HPN: variants seen among roughly 807,000 people sequenced by gnomAD.
HPN encodes the protein serine protease hepsin.
Under a neutral mutation model 55.9 loss-of-function variants are expected in HPN, and 13 were observed. That is an observed-to-expected ratio of 0.23 (90% confidence interval 0.15 to 0.37). The LOEUF is 0.37. Ranked by LOEUF, HPN falls within the 10% of genes least tolerant of loss-of-function variation. HPN has a pLI of 1.00. For missense variants in HPN, 451 were observed against 575.8 expected (o/e 0.78, Z 2.22); for synonymous variants, 225 against 240.3 (o/e 0.94, Z 0.59).
intron 9 of HPN, among the ~76,000 whole-genome samples, chr19:35,063,288 C>A (rs79361403): frequency 6.6e-6 from 1 of 152,242 alleles, no homozygotes; most frequent in Admixed American, 6.5e-5. Flanking sequence ...GTGGCCCCCA[C>A]GCTGTGGTGA....
Position 35,041,754 on chromosome 19 carries a change from A to G in HPN, c.-173A>G, listed in dbSNP as rs1268822391. ...AGCCTGGCCTAGCAGGCCCCACGCC[A>G]CCGCCTCTGCCTCCAGGCCGCCCGC... On this transcript the variant is annotated 5_prime_UTR_variant, in exon 1 of 13. Transcript: ENST00000672452. The G allele has an allele frequency of 4.7e-5, 57 of 1,213,276 alleles. No homozygotes were observed. The highest frequency in any genetic ancestry group is 1.1e-4 in the Admixed American group (4 of 35,710). The allele number at this position is 1,213,276 out of a possible 1,614,324, so 75.2% of individuals were successfully genotyped here.
chr19:35,064,681 G>A (rs12609794), intron 9 of HPN, among the ~76,000 whole-genome samples: 94,800 of 151,912 alleles, frequency 0.62, 32,165 homozygotes, highest in Admixed American at 0.77. Context: ...ACGTGACTTG[G>A]CCTCATTTTC....
rs773353181 is a variant in HPN, at chr19:35,060,443, G to A, written c.551G>A (p.Gly184Glu). Residue 184 changes from glycine to glutamate, a missense_variant, in exon 8 of 13, where the codon GGA (glycine) becomes GAA (glutamate). Physicochemically the swap from Gly to Glu is moderately conservative, Grantham distance 98. Coordinates refer to ENST00000672452, the MANE Select transcript of HPN (RefSeq NM_001384133.1). ...WPWQVSLRYD[G>E]AHLCGGSLLS... ...TGGCAAGTCAGCCTTCGCTATGATG[G>A]AGCACACCTCTGTGGGGGATCCCTG... 1.4e-5 allele frequency: 23 copies of A among 1,613,324 alleles called. No individual in the cohort carries two copies. Among genetic ancestry groups the A allele is most frequent in the Non-Finnish European group, 1.7e-5 (20 of 1,179,994 alleles).
chr19:35,061,237 C>A (rs897764154), intron 9 of HPN, among the ~76,000 whole-genome samples: 1 of 152,188 alleles, frequency 6.6e-6, no homozygotes, highest in Non-Finnish European at 1.5e-5. Context: ...GTGGCTCATG[C>A]CTGTAATCCC....
At chr19:35,041,178 A>G (rs1047927461), upstream of HPN, among the ~76,000 whole-genome samples, 19 of 152,276 alleles carry the variant, frequency 1.2e-4, no homozygotes, top group Admixed American at 1.2e-3. Context: ...TTCTGGCTCC[A>G]GAGGTCACCG....
upstream of HPN, among the ~76,000 whole-genome samples, chr19:35,040,880 G>GCCC (rs1461417687): frequency 6.6e-6 from 1 of 152,214 alleles, no homozygotes; most frequent in East Asian, 1.9e-4. Flanking sequence ...GGCACAGCGG[G>GCCC]CACGTGTGGG....
intron 4 of HPN, among the ~76,000 whole-genome samples, chr19:35,058,151 T>C (rs2064476948): frequency 6.6e-6 from 1 of 151,608 alleles, no homozygotes; most frequent in Non-Finnish European, 1.5e-5. Flanking sequence ...AGACTCCGTC[T>C]CAAAAAAATA....
Position 35,066,548 on chromosome 19 carries a change from T to A in HPN, c.*261T>A, listed in dbSNP as rs1043388703. 7 of 531,352 alleles carry A rather than the reference T, an allele frequency of 1.3e-5. No individual in the cohort carries two copies. The Middle Eastern group carries it at 2.0e-3, about 150-fold the overall frequency. 32.9% of individuals were successfully genotyped at this position (531,352 alleles called of 1,614,324 possible). On this transcript the variant is annotated 3_prime_UTR_variant, in exon 13 of 13. Coordinates refer to ENST00000672452, the MANE Select transcript of HPN (RefSeq NM_001384133.1). ...GTGCCCCTGATGACGGGATGCTCTTTAAATAATAAAGATGGTTTTGATTAA... is the reference window on the plus strand; with the variant it reads ...GTGCCCCTGATGACGGGATGCTCTTAAAATAATAAAGATGGTTTTGATTAA...
In HPN at chr19:35,060,002, G is replaced by A. The variant is rs754525773; in HGVS notation, c.413+6G>A. On this transcript the variant is annotated splice_donor_region_variant and intron_variant, in intron 6 of 12. Transcript: ENST00000672452. ...CTGGAGGTCATCTCCGTGTGGTGAG[G>A]AGGGCAGCGGGCAGGTGGGGCAACA... is the stretch of plus-strand genomic sequence containing the variant. The A allele has an allele frequency of 1.3e-6, 2 of 1,592,208 alleles. No individual in the cohort carries two copies. Among genetic ancestry groups the A allele is most frequent in the East Asian group, 2.2e-5 (1 of 44,726 alleles).
At chr19:35,048,045 A>G (rs2064361348) in intron 2 of HPN, among the ~76,000 whole-genome samples, 1 of 51,516 alleles carries the variant, frequency 1.9e-5, no homozygotes, top group African/African-American at 1.0e-4. Flanking sequence ...AGAAAGAAAG[A>G]AAGAAAGAAA....
Position 35,047,333 on chromosome 19 carries a change from C to T in HPN, c.17-1957C>T, listed in dbSNP as rs148117710. ...CCTCAAGGCCTTTGCCTGTGCTGTT[C>T]CCTCTGCCCACAGTGCCCTTCCTTG... is the stretch of plus-strand genomic sequence containing the variant. On this transcript the variant is annotated intron_variant, in intron 2 of 12. Transcript: ENST00000672452. Among the ~76,000 whole-genome samples the T allele has an allele frequency of 1.7e-3, 258 of 152,332 alleles. 1 individual carries two copies. The highest frequency in any genetic ancestry group is 5.8e-3 in the African/African-American group (242 of 41,568).
Position 35,062,780 on chromosome 19 carries a change from C to T in HPN, c.811+1963C>T, listed in dbSNP as rs147876521. 4.6e-3 allele frequency among the ~76,000 whole-genome samples: 698 copies of T among 152,042 alleles called. 28 individuals carry two copies. In the South Asian group the frequency reaches 0.11, roughly 24 times the overall value. On this transcript the variant is annotated intron_variant, in intron 9 of 12. Coordinates refer to ENST00000672452, the MANE Select transcript of HPN (RefSeq NM_001384133.1). ...CCTGTGGTCCCAGCTACTTGGGAGG[C>T]GGAGGCAGGAGAATCACCTGATCAC...
rs769719048 is a variant in HPN at position 35,059,701 on chromosome 19, C to T, written c.189C>T (p.Leu63=). The T allele has an allele frequency of 1.9e-6, 3 of 1,600,520 alleles. No homozygotes were observed. The highest frequency in any genetic ancestry group is 2.3e-5 in the East Asian group (1 of 44,368). Residue 63 remains leucine (L), a synonymous_variant, in exon 5 of 13, where the codon CTC becomes CTT. Coordinates refer to ENST00000672452, the MANE Select transcript of HPN (RefSeq NM_001384133.1). ...AGGTCAGCTCTGCGGACGCTCGGCT[C>T]ATGGTCTTTGACAAGACGGAAGGGA... is the stretch of plus-strand genomic sequence containing the variant. ...PVQVSSADAR[L]MVFDKTEGTW... is the part of the protein sequence containing the mutation.
At chr19:35,054,454 C>T (rs577115427) in intron 4 of HPN, among the ~76,000 whole-genome samples, 1 of 151,792 alleles carries the variant, frequency 6.6e-6, no homozygotes, top group Non-Finnish European at 1.5e-5. Flanking sequence ...TCACTATCTC[C>T]GAGGATGGTT....
intron 4 of HPN, chr19:35,050,490 G>C: frequency 7.8e-7 from 1 of 1,288,882 alleles, no homozygotes; most frequent in Non-Finnish European, 1.0e-6. Context: ...TGGGGAACGA[G>C]GGGCCAGGAA....
At position 35,049,531 on chromosome 19, in the gene HPN, C is replaced by A. The variant is rs764379063; in HGVS notation, c.160+15C>A. On this transcript the variant is annotated intron_variant, in intron 4 of 12. Coordinates refer to ENST00000672452, the MANE Select transcript of HPN (RefSeq NM_001384133.1). ...GCTGTACCCAGGTGAGTGGAGCAGG[C>A]TGGGACCCTCTGGGGGAGCCCTGGA... 6.3e-7 allele frequency: 1 copy of A among 1,588,630 alleles called. No individual in the cohort carries two copies. Among genetic ancestry groups the A allele is most frequent in the Non-Finnish European group, 8.6e-7 (1 of 1,166,612 alleles).
At chr19:35,059,331 A>C in intron 4 of HPN, 1 of 415,254 alleles carries the variant, frequency 2.4e-6, no homozygotes, top group Non-Finnish European at 4.6e-6. Context: ...CAAACAAAAA[A>C]ATTAGTCAGG....
At chr19:35,046,023 G>T (rs780555068) in intron 2 of HPN, among the ~76,000 whole-genome samples, 5 of 152,230 alleles carry the variant, frequency 3.3e-5, no homozygotes, top group African/African-American at 9.6e-5. Context: ...GGCAGGCACA[G>T]CTGAAAACAA....
chr19:35,055,683 T>C (rs1390806945), intron 4 of HPN, among the ~76,000 whole-genome samples: 1 of 139,310 alleles, frequency 7.2e-6, no homozygotes, highest in Non-Finnish European at 1.5e-5. Context: ...CCTCTGGACA[T>C]CCCAGAGCCT....
Sources: allele counts gnomAD v4.1 joint callset (sites outside exome capture counted in the v4.1 genomes callset), GRCh38; gene constraint gnomAD v4.1.1; transcripts MANE v1.5; gene names NCBI Gene and HGNC (gene_info 2026-07-23, HGNC 2026-07-21).